The following BCAS1 variants were observed in gnomAD, a reference collection of about 807,000 sequenced individuals.
BCAS1 encodes brain enriched myelin associated protein 1.
BCAS1 carries 46 observed loss-of-function variants against 65.4 expected under a neutral mutation model. That is an observed-to-expected ratio of 0.70 (90% confidence interval 0.55 to 0.90). The LOEUF (loss-of-function observed/expected upper bound fraction) is 0.90, where lower values mean the gene tolerates loss of function less well. BCAS1 is among the 40% of genes least tolerant of loss of function. BCAS1 has a pLI of 0.00. For missense variants in BCAS1, 793 were observed against 771.2 expected, an observed-to-expected ratio of 1.03 and a Z score of -0.33; for synonymous variants, 298 against 293.5, an observed-to-expected ratio of 1.02 and a Z score of -0.16.
At chr20:54,038,991 T>G (rs1409480388) in intron 3 of BCAS1, among the ~76,000 whole-genome samples, 3 of 151,536 alleles carry the variant, frequency 2.0e-5, no homozygotes, top group Non-Finnish European at 4.4e-5. Flanking sequence ...ACACAGTAAG[T>G]TCTTCAAAAG....
chr20:53,966,777 C>A, intron 10 of BCAS1, 129 bp downstream of exon 10: 1 of 854,324 alleles, frequency 1.2e-6, no homozygotes, highest in South Asian at 2.1e-5. Context: ...ACTATGCAAT[C>A]CATATTCCAT....
intron 1 of BCAS1, among the ~76,000 whole-genome samples, chr20:54,063,241 T>G (rs2092397517): frequency 6.6e-6 from 1 of 152,218 alleles, no homozygotes; most frequent in Non-Finnish European, 1.5e-5. Flanking sequence ...TGAGCATCAC[T>G]GAGCCTCGCT....
intron 4 of BCAS1, among the ~76,000 whole-genome samples, chr20:54,019,883 C>G (rs2091520005): frequency 6.6e-6 from 1 of 152,180 alleles, no homozygotes; most frequent in Non-Finnish European, 1.5e-5. Context: ...GGCCTCCACA[C>G]TTTTGAGGCT....
chr20:54,039,261 G>A (rs1013781700), intron 3 of BCAS1, among the ~76,000 whole-genome samples: 6 of 151,444 alleles, frequency 4.0e-5, no homozygotes, highest in Admixed American at 2.0e-4. Context: ...CTGAATGATC[G>A]CATTTCATGC....
chr20:54,032,661 CAG>C (rs2091825696), intron 3 of BCAS1, among the ~76,000 whole-genome samples: 1 of 151,102 alleles, frequency 6.6e-6, no homozygotes, highest in African/African-American at 2.4e-5. Context: ...CAGAATAAAA[CAG>C]GGGTTGCAAT....
chr20:53,984,106 AC>A (rs1361605554), intron 8 of BCAS1, among the ~76,000 whole-genome samples: 1 of 152,138 alleles, frequency 6.6e-6, no homozygotes, highest in Non-Finnish European at 1.5e-5. Context: ...TAATGTGCTA[AC>A]TCTATTTTTC....
chr20:54,026,077 A>C (rs370542944), intron 4 of BCAS1, among the ~76,000 whole-genome samples: 1 of 152,248 alleles, frequency 6.6e-6, no homozygotes, highest in African/African-American at 2.4e-5. Context: ...CACTGAAAAA[A>C]ATGGAAATTT....
rs772677080 is a variant in BCAS1, at chr20:53,953,478, C to A, written c.1769G>T (p.Arg590Ile). Residue 590 changes from arginine to isoleucine, a missense_variant, in exon 12 of 13, where the codon AGA (arginine) becomes ATA (isoleucine). By Grantham distance (97) the Arg-to-Ile change is moderately conservative. Transcript: ENST00000688948. ...SLQNGDKLQK[R>I]PEKRQQSLGG... ...AAGGGACTGCTGCCGCTTCTCAGGT[C>A]TCTTTTGGAGCTTGTCCCCATTCTG... The A allele has an allele frequency of 2.5e-6, 4 of 1,614,086 alleles. No individual in the cohort carries two copies. The highest frequency in any genetic ancestry group is 2.5e-6 in the Non-Finnish European group (3 of 1,180,022).
In BCAS1 at chr20:53,967,349, G is replaced by T. The variant is rs540126005; in HGVS notation, c.1318-276C>A. 1.2e-3 allele frequency among the ~76,000 whole-genome samples: 181 copies of T among 152,260 alleles called. 1 individual carries two copies. Among genetic ancestry groups the T allele is most frequent in the Non-Finnish European group, 1.9e-3 (129 of 68,016 alleles). On this transcript the variant is annotated intron_variant, in intron 9 of 12. Coordinates refer to ENST00000688948, the MANE Select transcript of BCAS1 (RefSeq NM_001366298.2). Reference sequence around the variant, plus strand: ...GGTCCTTTTTGGGGACTGTCATTCAGAGCATGCTCAATACCCAATCAAATC... The same window carrying T: ...GGTCCTTTTTGGGGACTGTCATTCATAGCATGCTCAATACCCAATCAAATC...
At chr20:54,058,609 TTTTTC>T in intron 2 of BCAS1, 33 bp downstream of exon 2, 1 of 1,517,644 alleles carries the variant, frequency 6.6e-7, no homozygotes, top group South Asian at 1.3e-5. Context: ...TTTTTTTTTT[TTTTTC>T]TGCTGATGCC....
intron 5 of BCAS1, 89 bp from the exon 6 acceptor site, chr20:53,995,145 C>A: frequency 8.9e-7 from 1 of 1,119,588 alleles, no homozygotes; most frequent in South Asian, 1.3e-5. Context: ...TAGGGTGGTC[C>A]AGTTCACCAT....
At chr20:54,031,335 T>G (rs1752512508) in intron 3 of BCAS1, among the ~76,000 whole-genome samples, 1 of 151,408 alleles carries the variant, frequency 6.6e-6, no homozygotes, top group African/African-American at 2.4e-5. Flanking sequence ...ATCCAAACAG[T>G]AGCTTTTGAT....
At chr20:54,002,721 C>T (rs2091086792) in intron 4 of BCAS1, among the ~76,000 whole-genome samples, 1 of 152,114 alleles carries the variant, frequency 6.6e-6, no homozygotes, top group African/African-American at 2.4e-5. Flanking sequence ...TGATTATGAA[C>T]ATTATTTATA....
chr20:53,959,378 CAAG>C (rs2089804799), intron 10 of BCAS1, among the ~76,000 whole-genome samples: 1 of 152,024 alleles, frequency 6.6e-6, no homozygotes, highest in Non-Finnish European at 1.5e-5. Context: ...TTCAGCCTCC[CAAG>C]TAGTTGGGAC....
At chr20:54,010,398 C>T (rs2091293876) in intron 4 of BCAS1, among the ~76,000 whole-genome samples, 1 of 152,018 alleles carries the variant, frequency 6.6e-6, no homozygotes, top group African/African-American at 2.4e-5. Flanking sequence ...TTCAGCAAGG[C>T]TGAAGAATAC....
chr20:53,946,550 G>C (rs1379772680), intron 12 of BCAS1, among the ~76,000 whole-genome samples: 3 of 150,728 alleles, frequency 2.0e-5, no homozygotes, highest in East Asian at 1.9e-4. Context: ...GTATAGTATA[G>C]AGTAGTATAA....
intron 1 of BCAS1, among the ~76,000 whole-genome samples, chr20:54,059,113 A>G (rs1402870064): frequency 6.6e-6 from 1 of 152,178 alleles, no homozygotes. Flanking sequence ...ACCCGCCCCC[A>G]TGATCCAATT....
intron 4 of BCAS1, among the ~76,000 whole-genome samples, chr20:53,999,925 T>C (rs1231891435): frequency 6.6e-6 from 1 of 152,146 alleles, no homozygotes; most frequent in Non-Finnish European, 1.5e-5. Context: ...AGATGGGGTT[T>C]CACCGTGTTG....
intron 10 of BCAS1, among the ~76,000 whole-genome samples, chr20:53,966,494 G>T (rs113694865): frequency 6.6e-6 from 1 of 152,160 alleles, no homozygotes; most frequent in Non-Finnish European, 1.5e-5. Context: ...GTTGGGAGAA[G>T]GGTGAGGGAT....
Sources: gnomAD v4.1 joint callset for allele counts (sites outside exome capture counted in the v4.1 genomes callset) on GRCh38, gnomAD v4.1.1 for gene constraint, MANE v1.5 for transcripts, NCBI Gene and HGNC (gene_info 2026-07-23, HGNC 2026-07-21) for gene names.